The following ZNF704 variants were observed in gnomAD, a reference collection of about 807,000 sequenced individuals.
The protein encoded by ZNF704 is zinc finger protein 704, also known as glucocorticoid induced gene 1.
A neutral mutation model predicts 44.7 loss-of-function variants in ZNF704; 10 were observed. That is an observed-to-expected ratio of 0.22 (90% CI 0.14 to 0.38). The LOEUF is 0.38. Among genes scored for constraint, ZNF704 ranks in the 10% least tolerant of loss-of-function variants. ZNF704 has a pLI of 1.00. For synonymous variants in ZNF704, 211 were observed against 207.6 expected (o/e 1.02, Z -0.14); for missense variants, 390 against 545.5 (o/e 0.71, Z 2.84).
At chr8:80,881,383 C>T in the ZNF704 span, among the ~76,000 whole-genome samples, 45 of 152,138 alleles carry the variant, frequency 3.0e-4, no homozygotes, top group Non-Finnish European at 5.6e-4. Context: ...GAGGAAAGGA[C>T]TCATGTATTT....
chr8:80,726,700 T>G (rs1488637202), intron 2 of ZNF704, among the ~76,000 whole-genome samples: 1 of 152,128 alleles, frequency 6.6e-6, no homozygotes, highest in East Asian at 1.9e-4. Flanking sequence ...CCTATTTCAG[T>G]GTATGTTTAA....
intron 1 of ZNF704, among the ~76,000 whole-genome samples, chr8:80,823,307 G>A (rs988514606): frequency 7.9e-5 from 12 of 152,180 alleles, no homozygotes; most frequent in East Asian, 3.9e-4. Flanking sequence ...CCACACCCAC[G>A]AAGTCTTGCT....
At chr8:80,785,031 C>T (rs1368226343) in intron 2 of ZNF704, among the ~76,000 whole-genome samples, 2 of 152,172 alleles carry the variant, frequency 1.3e-5, no homozygotes, top group Non-Finnish European at 2.9e-5. Flanking sequence ...AAAGTCCACA[C>T]TGTATTCAGA....
At chr8:80,844,366 T>G (rs1808732474) in intron 1 of ZNF704, among the ~76,000 whole-genome samples, 1 of 152,186 alleles carries the variant, frequency 6.6e-6, no homozygotes, top group African/African-American at 2.4e-5. Flanking sequence ...CTTCTCGCTA[T>G]GGCCTCAGAT....
chr8:80,717,879 A>AT (rs1442776480), intron 2 of ZNF704, among the ~76,000 whole-genome samples: 1 of 152,206 alleles, frequency 6.6e-6, no homozygotes, highest in Non-Finnish European at 1.5e-5. Context: ...GAGGCCATTC[A>AT]TCAGCTAATT....
intron 1 of ZNF704, among the ~76,000 whole-genome samples, chr8:80,826,091 A>G (rs200476665): frequency 1.3e-5 from 2 of 152,076 alleles, no homozygotes; most frequent in East Asian, 1.9e-4. Context: ...CAGAACTGAA[A>G]GAAATAGAGA....
chr8:80,669,960 G>A (rs193185544), intron 5 of ZNF704, among the ~76,000 whole-genome samples: 9 of 152,302 alleles, frequency 5.9e-5, no homozygotes, highest in Admixed American at 4.6e-4. Context: ...AAGTGATTTC[G>A]TAAGAACAGC....
At chr8:80,689,592 C>T (rs1428627157) in intron 3 of ZNF704, among the ~76,000 whole-genome samples, 1 of 152,114 alleles carries the variant, frequency 6.6e-6, no homozygotes, top group African/African-American at 2.4e-5. Flanking sequence ...CCTTGGCAGG[C>T]CCGGGTGGCT....
At chr8:80,741,281 T>C (rs1806751020) in intron 2 of ZNF704, among the ~76,000 whole-genome samples, 1 of 152,182 alleles carries the variant, frequency 6.6e-6, no homozygotes, top group African/African-American at 2.4e-5. Flanking sequence ...AGGAAGGCCC[T>C]AACCCAAGCC....
intron 2 of ZNF704, among the ~76,000 whole-genome samples, chr8:80,730,536 C>CT (rs1806562355): frequency 1.7e-5 from 1 of 60,528 alleles, no homozygotes; most frequent in East Asian, 5.2e-4. Context: ...AAGACTACAT[C>CT]TTAAAAAAAA....
chr8:80,849,918 T>A (rs1808829671), intron 1 of ZNF704, among the ~76,000 whole-genome samples: 1 of 152,252 alleles, frequency 6.6e-6, no homozygotes, highest in Admixed American at 6.5e-5. Flanking sequence ...TCTGTTGCTG[T>A]CAATAAAATA....
chr8:80,780,009 G>GGACCTCA lies in ZNF704; in HGVS notation c.221+41358_221+41364dup, dbSNP rs533419894. 6.6e-4 allele frequency among the ~76,000 whole-genome samples: 101 copies of GGACCTCA among 152,152 alleles called. No homozygotes were observed. In the South Asian group the frequency reaches 0.019, roughly 28 times the overall value. ...GCAGCAAAGCTCTCATGGGGAGGTA[G>GGACCTCA]GACCTCAGATGGACTTTGAAAGATA... On this transcript the variant is annotated intron_variant, in intron 2 of 8. Coordinates refer to ENST00000327835, the MANE Select transcript of ZNF704 (RefSeq NM_001033723.3).
At chr8:80,822,793 A>G (rs7816858) in intron 1 of ZNF704, among the ~76,000 whole-genome samples, 32,213 of 152,118 alleles carry the variant, frequency 0.21, 4,756 homozygotes, top group African/African-American at 0.42. Flanking sequence ...TTCTCTGATG[A>G]CCAGTGATGA....
intron 2 of ZNF704, among the ~76,000 whole-genome samples, chr8:80,696,939 T>G (rs1410561072): frequency 6.6e-6 from 1 of 152,196 alleles, no homozygotes; most frequent in African/African-American, 2.4e-5. Context: ...TGGTGTCACG[T>G]TGGTGCTCAA....
intron 1 of ZNF704, among the ~76,000 whole-genome samples, chr8:80,837,874 A>G (rs1283716429): frequency 1.3e-5 from 2 of 151,984 alleles, no homozygotes; most frequent in Non-Finnish European, 2.9e-5. Context: ...CCACAGCCAG[A>G]GCCGGGGACC....
chr8:80,664,572 G>T (rs1818158755), intron 6 of ZNF704, among the ~76,000 whole-genome samples: 1 of 152,160 alleles, frequency 6.6e-6, no homozygotes, highest in Non-Finnish European at 1.5e-5. Flanking sequence ...GTGCCCAAGG[G>T]ATTTTTATCA....
At chr8:80,723,380 T>C (rs894468256) in intron 2 of ZNF704, among the ~76,000 whole-genome samples, 1 of 152,190 alleles carries the variant, frequency 6.6e-6, no homozygotes, top group Admixed American at 6.5e-5. Context: ...GTCAGGATTA[T>C]ATAGTCAAAG....
chr8:80,760,080 C>T (rs1807102525), intron 2 of ZNF704, among the ~76,000 whole-genome samples: 2 of 152,092 alleles, frequency 1.3e-5, no homozygotes, highest in Non-Finnish European at 2.9e-5. Context: ...TAACTTTAGG[C>T]CCATGAGAAA....
At chr8:80,882,202 TA>T in the ZNF704 span, among the ~76,000 whole-genome samples, 1 of 152,356 alleles carries the variant, frequency 6.6e-6, no homozygotes, top group Admixed American at 6.5e-5. Context: ...TAGACGGCTT[TA>T]CGAAAGAGTT....
Sources: allele counts gnomAD v4.1 joint callset (sites outside exome capture counted in the v4.1 genomes callset), GRCh38; gene constraint gnomAD v4.1.1; transcripts MANE v1.5; gene names NCBI Gene and HGNC (gene_info 2026-07-23, HGNC 2026-07-21).